The following SLIT3 variants were observed in gnomAD, a reference collection of about 807,000 sequenced individuals.
The protein encoded by SLIT3 is slit guidance ligand 3, also known as slit homolog 3 protein.
SLIT3 carries 68 observed loss-of-function variants against 184.0 expected under a neutral mutation model. The observed-to-expected ratio is 0.37, with a 90% CI of 0.30 to 0.45. The LOEUF is 0.45. Ranked by LOEUF, SLIT3 falls within the 20% of genes least tolerant of loss-of-function variation. The pLI, the probability that SLIT3 is intolerant of heterozygous loss-of-function variation, is 1.00. For missense variants in SLIT3, 1,707 were observed against 2,026.0 expected (o/e 0.84, Z 3.02); for synonymous variants, 831 against 828.6 (o/e 1.00, Z -0.05).
At chr5:168,927,578 A>T (rs1243962441) in intron 4 of SLIT3, among the ~76,000 whole-genome samples, 1 of 152,214 alleles carries the variant, frequency 6.6e-6, no homozygotes, top group African/African-American at 2.4e-5. Context: ...GGCATTCAAC[A>T]CCGGAGACCC....
rs183900358 is a variant in SLIT3, at chr5:168,916,358, G to T, written c.414-33022C>A. Among the ~76,000 whole-genome samples the T allele has an allele frequency of 3.9e-5, 6 of 152,350 alleles. No homozygotes were observed. In the East Asian group the frequency reaches 9.6e-4, roughly 24 times the overall value. The stretch of plus-strand genomic sequence containing the variant: ...TCTCCTCTGGAGGGAAGGCCTGGGA[G>T]AACCTGCAGCTGTGGGAGGTGCTTC... On this transcript the variant is annotated intron_variant, in intron 4 of 35. Transcript: ENST00000519560.
At chr5:169,155,684 GAAGT>G (rs2113379243) in intron 4 of SLIT3, among the ~76,000 whole-genome samples, 1 of 152,342 alleles carries the variant, frequency 6.6e-6, no homozygotes, top group East Asian at 1.9e-4. Flanking sequence ...CCTTTCCTTT[GAAGT>G]AAGAGTTTGC....
chr5:169,079,273 T>C (rs1439801069), intron 4 of SLIT3, among the ~76,000 whole-genome samples: 1 of 152,154 alleles, frequency 6.6e-6, no homozygotes, highest in Non-Finnish European at 1.5e-5. Context: ...GATGAGGCTG[T>C]TGTTCCACAC....
intron 4 of SLIT3, among the ~76,000 whole-genome samples, chr5:169,183,036 G>C (rs1206926446): frequency 6.6e-6 from 1 of 152,178 alleles, no homozygotes; most frequent in Non-Finnish European, 1.5e-5. Flanking sequence ...GTCTGAGAAA[G>C]AGCGAGGTGG....
chr5:168,811,226 G>C (rs1581106532), intron 8 of SLIT3, among the ~76,000 whole-genome samples: 1 of 152,110 alleles, frequency 6.6e-6, no homozygotes, highest in Non-Finnish European at 1.5e-5. Context: ...CATCAGTCTC[G>C]TAATAGCAAC....
chr5:168,699,866 A>G (rs919672048), intron 27 of SLIT3, among the ~76,000 whole-genome samples: 2 of 152,218 alleles, frequency 1.3e-5, no homozygotes, highest in African/African-American at 4.8e-5. Context: ...TCAGAAAAGC[A>G]TGGTGGAAGT....
chr5:169,163,928 C>T (rs140194289), intron 4 of SLIT3, among the ~76,000 whole-genome samples: 193 of 152,284 alleles, frequency 1.3e-3, no homozygotes, highest in African/African-American at 4.4e-3. Flanking sequence ...AGAGGTGATG[C>T]TTGCGGGCCC....
chr5:168,893,206 G>A (rs191902437), intron 4 of SLIT3, among the ~76,000 whole-genome samples: 1 of 152,324 alleles, frequency 6.6e-6, no homozygotes, highest in Admixed American at 6.5e-5. Flanking sequence ...TTGGTTGGGT[G>A]TGGACAGGGA....
At chr5:168,762,046 C>T (rs933850731) in intron 15 of SLIT3, among the ~76,000 whole-genome samples, 4 of 150,814 alleles carry the variant, frequency 2.7e-5, no homozygotes, top group African/African-American at 9.8e-5. Flanking sequence ...GCTGGGATTA[C>T]AGGCATGACC....
chr5:169,245,509 G>A (rs1303800359), intron 2 of SLIT3, among the ~76,000 whole-genome samples: 1 of 152,210 alleles, frequency 6.6e-6, no homozygotes, highest in Non-Finnish European at 1.5e-5. Context: ...TGAACAGCAG[G>A]GGAGAGAAAC....
At position 169,014,338 on chromosome 5, in the gene SLIT3, G is replaced by C. The variant is rs180843420; in HGVS notation, c.414-131002C>G. On this transcript the variant is annotated intron_variant, in intron 4 of 35. Coordinates refer to ENST00000519560, the MANE Select transcript of SLIT3 (RefSeq NM_003062.4). The stretch of plus-strand genomic sequence containing the variant: ...AAATTTTCTGAACCAAAATTGGCCA[G>C]GTCCTGAATACCTAAGTCCATGGAG... 2.6e-5 allele frequency among the ~76,000 whole-genome samples: 4 copies of C among 152,242 alleles called. No individual in the cohort carries two copies. The East Asian group carries it at 7.7e-4, about 29-fold the overall frequency.
chr5:169,034,466 T>A (rs1245990017), intron 4 of SLIT3, among the ~76,000 whole-genome samples: 1 of 152,230 alleles, frequency 6.6e-6, no homozygotes, highest in Non-Finnish European at 1.5e-5. Context: ...TTCTTTTACA[T>A]GTGGAAATTC....
intron 4 of SLIT3, among the ~76,000 whole-genome samples, chr5:169,177,709 G>A (rs1763026903): frequency 2.0e-5 from 3 of 151,984 alleles, no homozygotes; most frequent in African/African-American, 7.3e-5. Context: ...ATTCAAAGCT[G>A]ACTTTAGCTT....
intron 4 of SLIT3, among the ~76,000 whole-genome samples, chr5:168,900,914 C>G (rs1760843977): frequency 6.6e-6 from 1 of 152,154 alleles, no homozygotes; most frequent in Non-Finnish European, 1.5e-5. Flanking sequence ...AATGTGTACA[C>G]ATGGACATAG....
intron 12 of SLIT3, among the ~76,000 whole-genome samples, chr5:168,781,624 G>A (rs1581075978): frequency 6.6e-6 from 1 of 152,128 alleles, no homozygotes; most frequent in East Asian, 1.9e-4. Context: ...TGAAGACAAT[G>A]AACCAGAGAA....
At chr5:169,036,792 G>T (rs1757269798) in intron 4 of SLIT3, among the ~76,000 whole-genome samples, 1 of 152,200 alleles carries the variant, frequency 6.6e-6, no homozygotes, top group African/African-American at 2.4e-5. Flanking sequence ...ATGTCAAAAT[G>T]AATGCAGCTT....
At chr5:168,696,140 C>T in intron 28 of SLIT3, 152 bp downstream of exon 28, 1 of 904,044 alleles carries the variant, frequency 1.1e-6, no homozygotes, top group Non-Finnish European at 1.7e-6. Context: ...AGCAAACAGG[C>T]CTTTGGGGAG....
At chr5:169,102,692 AAG>A (rs1760064198) in intron 4 of SLIT3, among the ~76,000 whole-genome samples, 1 of 152,082 alleles carries the variant, frequency 6.6e-6, no homozygotes, top group Non-Finnish European at 1.5e-5. Context: ...AAAAGAGAGA[AAG>A]GGGGAGATTT....
At chr5:169,224,149 C>A (rs1764713069) in intron 3 of SLIT3, among the ~76,000 whole-genome samples, 1 of 152,038 alleles carries the variant, frequency 6.6e-6, no homozygotes, top group African/African-American at 2.4e-5. Context: ...TCACTGGGTC[C>A]TTTTTTTAAC....
Sources: allele counts gnomAD v4.1 joint callset (sites outside exome capture counted in the v4.1 genomes callset), GRCh38; gene constraint gnomAD v4.1.1; transcripts MANE v1.5; gene names NCBI Gene and HGNC (gene_info 2026-07-23, HGNC 2026-07-21).